Variants in ATP11B observed in about 807,000 individuals in gnomAD.
The protein encoded by ATP11B is ATPase phospholipid transporting 11B (putative), also known as phospholipid-transporting ATPase IF.
A neutral mutation model predicts 157.8 loss-of-function variants in ATP11B; 81 were observed. That is an observed-to-expected ratio of 0.51 (90% CI 0.43 to 0.62). ATP11B has a LOEUF of 0.62. Among genes scored for constraint, ATP11B ranks in the 20% least tolerant of loss-of-function variants. The probability of loss-of-function intolerance (pLI) is 0.00; values close to 1 mark genes in which losing one functional copy is unlikely to be tolerated. For synonymous variants in ATP11B, 451 were observed against 469.4 expected (o/e 0.96, Z 0.51); for missense variants, 1,165 against 1,402.2 (o/e 0.83, Z 2.70).
At position 182,829,589 on chromosome 3, in the gene ATP11B, T is replaced by A; in HGVS notation, c.235-83T>A. On this transcript the variant is annotated intron_variant, in intron 3 of 29. Coordinates refer to ENST00000323116, the MANE Select transcript of ATP11B (RefSeq NM_014616.3). ...ATCGTGAACTAAAGTATACTCACTG[T>A]GTAATGTGAAATTTTAGATGTTAAT... 7.4e-6 allele frequency: 7 copies of A among 941,812 alleles called. No individual in the cohort carries two copies. The East Asian group carries it at 8.0e-5, about 11-fold the overall frequency. The allele number at this position is 941,812 out of a possible 1,614,324, so 58.3% of individuals were successfully genotyped here.
intron 4 of ATP11B, among the ~76,000 whole-genome samples, chr3:182,830,404 CT>C (rs1718047141): frequency 6.6e-6 from 1 of 151,902 alleles, no homozygotes; most frequent in African/African-American, 2.4e-5. Flanking sequence ...TATTTTCCCC[CT>C]GGGGAAATAT....
At chr3:182,859,426 G>A (rs1720664380) in intron 12 of ATP11B, 67 bp downstream of exon 12, 1 of 1,352,294 alleles carries the variant, frequency 7.4e-7, no homozygotes, top group Non-Finnish European at 9.9e-7. Flanking sequence ...CATGGACAAA[G>A]ATTAATGTAA....
intron 2 of ATP11B, 127 bp downstream of exon 2, chr3:182,820,503 A>G (rs1717263855): frequency 1.5e-6 from 1 of 650,026 alleles, no homozygotes; most frequent in Non-Finnish European, 2.7e-6. Context: ...GGGCAACATA[A>G]TGAGACCTTG....
At chr3:182,877,124 G>A (rs1007171069) in intron 19 of ATP11B, among the ~76,000 whole-genome samples, 3 of 152,160 alleles carry the variant, frequency 2.0e-5, no homozygotes, top group African/African-American at 4.8e-5. Flanking sequence ...TGGATACTTG[G>A]TGTAGGGAAA....
chr3:182,903,297 A>G (rs978155609), intron 28 of ATP11B, among the ~76,000 whole-genome samples: 4 of 152,044 alleles, frequency 2.6e-5, no homozygotes, highest in Non-Finnish European at 5.9e-5. Flanking sequence ...TTCTTGCCCT[A>G]TTGGTTTCTT....
At chr3:182,879,383 T>G in intron 19 of ATP11B, 113 bp from the exon 20 acceptor site, 1 of 894,290 alleles carries the variant, frequency 1.1e-6, no homozygotes, top group Non-Finnish European at 1.6e-6. Context: ...CTTGTAACAG[T>G]AAGGGCTGTG....
At chr3:182,903,202 A>G (rs1724089554) in intron 28 of ATP11B, among the ~76,000 whole-genome samples, 1 of 152,182 alleles carries the variant, frequency 6.6e-6, no homozygotes, top group African/African-American at 2.4e-5. Flanking sequence ...ATATTAAGAT[A>G]CTATAACTAT....
chr3:182,836,735 A>C, intron 6 of ATP11B: 1 of 486,354 alleles, frequency 2.1e-6, no homozygotes, highest in Admixed American at 3.8e-5. Flanking sequence ...GGTACTTTTA[A>C]AAGATAAGGG....
Position 182,913,866 on chromosome 3 carries a change from T to C in ATP11B, c.3324T>C (p.Thr1108=), listed in dbSNP as rs141511726. Residue 1108 remains threonine, a synonymous_variant, in exon 29 of 30, where the codon ACT becomes ACC. Coordinates refer to ENST00000323116, the MANE Select transcript of ATP11B (RefSeq NM_014616.3). The part of the protein sequence containing the change: ...HPTSTEKAQL[T]ETNAGIKCLD... Reference sequence around the variant, plus strand: ...TTCTGCTTCACCTCCCGCAGCTTACTGAAACAAATGCAGGTATCAAGTGCT... The same window carrying C: ...TTCTGCTTCACCTCCCGCAGCTTACCGAAACAAATGCAGGTATCAAGTGCT... 1.4e-3 allele frequency: 2,201 copies of C among 1,614,118 alleles called. 4 individuals carry two copies. The highest frequency in any genetic ancestry group is 0.011 in the Middle Eastern group (67 of 6,060).
intron 12 of ATP11B, among the ~76,000 whole-genome samples, chr3:182,860,520 T>G (rs1720752142): frequency 6.6e-6 from 1 of 152,128 alleles, no homozygotes; most frequent in Non-Finnish European, 1.5e-5. Context: ...ACTCTGTGAG[T>G]CTTTTCATCC....
intron 10 of ATP11B, among the ~76,000 whole-genome samples, chr3:182,850,852 G>A (rs1373457366): frequency 6.6e-6 from 1 of 151,830 alleles, no homozygotes; most frequent in Non-Finnish European, 1.5e-5. Context: ...ATCAGCAGAC[G>A]GATGGATAAA....
chr3:182,918,031 G>T lies in ATP11B; in HGVS notation c.3461G>T (p.Ser1154Ile). ...TCTTATTGTTACTTTAGATCATGGAGTGCATCGGATCCTTTCTATACCAAC... is the reference window on the plus strand; with the variant it reads ...TCTTATTGTTACTTTAGATCATGGATTGCATCGGATCCTTTCTATACCAAC... ...CSPTHISRSW[S>I]ASDPFYTNDR... The change falls in exon 30 of 30, where the codon AGT (serine) becomes ATT (isoleucine). Residue 1154 changes from serine to isoleucine, a missense_variant. By Grantham distance (142) the Ser-to-Ile change is moderately radical (BLOSUM62 -2). Transcript: ENST00000323116. 7 of 1,612,968 alleles carry T rather than the reference G, an allele frequency of 4.3e-6. No individual in the cohort carries two copies. Among genetic ancestry groups the T allele is most frequent in the Non-Finnish European group, 5.9e-6 (7 of 1,179,292 alleles).
At position 182,919,839 on chromosome 3, in the gene ATP11B, CCTT is replaced by C. The variant is rs1186483801; in HGVS notation, c.*1739_*1741del. 10 of 152,128 alleles carry C rather than the reference CCTT, an allele frequency of 6.6e-5. No homozygotes were observed. The highest frequency in any genetic ancestry group is 1.5e-4 in the Non-Finnish European group (10 of 68,028). 9.4% of individuals were successfully genotyped at this position (152,128 alleles called of 1,614,324 possible). A position where few individuals can be genotyped will look rare whatever the true frequency, so the allele number is the denominator to read the frequency against. On this transcript the variant is annotated 3_prime_UTR_variant, in exon 30 of 30. Coordinates refer to ENST00000323116, the MANE Select transcript of ATP11B (RefSeq NM_014616.3). ...CTAAATATTAATTTTCAAAAATAGT[CCTT>C]CTTTAACTTAGATATTTCATAGCTG...
rs202171926 is a variant in ATP11B, at chr3:182,902,945, A to AT, written c.3318+4181dup. Among the ~76,000 whole-genome samples the AT allele has an allele frequency of 9.2e-3, 1,401 of 151,748 alleles. 24 individuals carry two copies. The highest frequency in any genetic ancestry group is 0.031 in the African/African-American group (1,296 of 41,354). The stretch of plus-strand genomic sequence containing the variant: ...ACATATTTGGAAGTGAGAGTTGCCC[A>AT]TTTTTTTTATCTTGCCTTAATCTGT... On this transcript the variant is annotated intron_variant, in intron 28 of 29. Coordinates refer to ENST00000323116, the MANE Select transcript of ATP11B (RefSeq NM_014616.3).
At chr3:182,888,123 G>A (rs992025616) in intron 24 of ATP11B, among the ~76,000 whole-genome samples, 2 of 152,138 alleles carry the variant, frequency 1.3e-5, no homozygotes, top group Non-Finnish European at 2.9e-5. Context: ...TCCCACCCCA[G>A]ATTCTCTGCT....
chr3:182,808,010 A>G (rs983680314), intron 1 of ATP11B, among the ~76,000 whole-genome samples: 2 of 152,228 alleles, frequency 1.3e-5, no homozygotes, highest in East Asian at 3.8e-4. Flanking sequence ...TATAAGTGAT[A>G]CACATAGGTA....
At chr3:182,892,256 G>A (rs1042882803) in intron 25 of ATP11B, among the ~76,000 whole-genome samples, 3 of 152,136 alleles carry the variant, frequency 2.0e-5, no homozygotes, top group Non-Finnish European at 4.4e-5. Context: ...CGCCTTTCCT[G>A]TTGGTCCAGC....
intron 29 of ATP11B, chr3:182,915,365 G>A (rs1431864193): frequency 5.1e-6 from 5 of 985,204 alleles, no homozygotes; most frequent in Non-Finnish European, 6.0e-6. Context: ...GTAGAAGGAT[G>A]AGCACTTAAA....
chr3:182,900,817 G>A (rs1440359835), intron 28 of ATP11B, among the ~76,000 whole-genome samples: 2 of 151,422 alleles, frequency 1.3e-5, no homozygotes, highest in South Asian at 2.1e-4. Flanking sequence ...AGGCCGAGGC[G>A]GGTGGATGGC....
Sources: allele counts gnomAD v4.1 joint callset (sites outside exome capture counted in the v4.1 genomes callset), GRCh38; gene constraint gnomAD v4.1.1; transcripts MANE v1.5; gene names NCBI Gene and HGNC (gene_info 2026-07-23, HGNC 2026-07-21).